TAPT1: variants seen among roughly 807,000 people sequenced by gnomAD.
The protein encoded by TAPT1 is transmembrane anterior posterior transformation protein 1 homolog.
A neutral mutation model predicts 65.6 loss-of-function variants in TAPT1; 28 were observed. The ratio of observed to expected loss-of-function variants is 0.43; its 90% CI spans 0.32 to 0.59. The LOEUF is 0.59. Among genes scored for constraint, TAPT1 ranks in the 20% least tolerant of loss-of-function variants. TAPT1 has a pLI of 0.09. For missense variants in TAPT1, 563 were observed against 679.9 expected (o/e 0.83, Z 1.91); for synonymous variants, 278 against 245.2 (o/e 1.13, Z -1.25).
chr4:16,206,765 A>G (rs1487383554), intron 2 of TAPT1, among the ~76,000 whole-genome samples: 2 of 150,624 alleles, frequency 1.3e-5, no homozygotes, highest in Non-Finnish European at 3.0e-5. Flanking sequence ...AGCTGAAATG[A>G]GAGAAATAAG....
intron 2 of TAPT1, among the ~76,000 whole-genome samples, chr4:16,212,413 A>G (rs991482522): frequency 1.3e-5 from 2 of 152,264 alleles, no homozygotes; most frequent in African/African-American, 4.8e-5. Context: ...AGAAAGCTGC[A>G]AAGCAAGCTA....
At chr4:16,188,408 T>A in intron 4 of TAPT1, 53 bp from the exon 5 acceptor site, 1 of 1,364,642 alleles carries the variant, frequency 7.3e-7, no homozygotes, top group South Asian at 1.6e-5. Context: ...TTTAAATATA[T>A]AACTAAAATT....
At chr4:16,182,149 CA>C (rs982340122) in intron 7 of TAPT1, among the ~76,000 whole-genome samples, 1 of 151,988 alleles carries the variant, frequency 6.6e-6, no homozygotes, top group Non-Finnish European at 1.5e-5. Context: ...TTTACATAGA[CA>C]TTATAAAATC....
chr4:16,201,875 C>G (rs1750053107), intron 3 of TAPT1, among the ~76,000 whole-genome samples: 1 of 152,136 alleles, frequency 6.6e-6, no homozygotes, highest in Admixed American at 6.5e-5. Context: ...AGCTCACAAG[C>G]TAATCAATGT....
chr4:16,199,456 A>C (rs1749906709), intron 3 of TAPT1, among the ~76,000 whole-genome samples: 1 of 152,232 alleles, frequency 6.6e-6, no homozygotes, highest in Non-Finnish European at 1.5e-5. Flanking sequence ...CATCTTATGC[A>C]CTACAAAAAA....
At chr4:16,201,768 T>A (rs1375978586) in intron 3 of TAPT1, among the ~76,000 whole-genome samples, 1 of 152,254 alleles carries the variant, frequency 6.6e-6, no homozygotes, top group East Asian at 1.9e-4. Flanking sequence ...GTATTTTTTT[T>A]ACATCTTCCA....
At position 16,188,256 on chromosome 4, in the gene TAPT1, C is replaced by T. The variant is rs895433054; in HGVS notation, c.712G>A (p.Val238Met). 7 of 1,612,406 alleles carry T rather than the reference C, an allele frequency of 4.3e-6. No individual in the cohort carries two copies. The highest frequency in any genetic ancestry group is 1.3e-5 in the African/African-American group (1 of 74,814). Residue 238 changes from valine (V) to methionine (M), a missense_variant, in exon 5 of 14, where the codon GTG becomes ATG. By Grantham distance (21) the Val-to-Met change is conservative. This residue lies in a region of TAPT1 where 217 missense variants were observed against 317.5 expected (regional missense o/e 0.68). Coordinates refer to ENST00000405303, the MANE Select transcript of TAPT1 (RefSeq NM_153365.3). ...ACAGCCATGAAAAAGTGAGGAATCA[C>T]CCCAATGTGGGCTCTTTTTCTTTCT... ...PKERKRAHIG[V>M]IPHFFMAVLY...
chr4:16,171,888 T>G (rs1352545640), intron 11 of TAPT1, among the ~76,000 whole-genome samples: 5 of 152,230 alleles, frequency 3.3e-5, no homozygotes, highest in Non-Finnish European at 7.3e-5. Context: ...TACACATTTT[T>G]TCTTCCTTTT....
At chr4:16,169,156 T>C (rs777973265) in intron 12 of TAPT1, among the ~76,000 whole-genome samples, 1 of 152,112 alleles carries the variant, frequency 6.6e-6, no homozygotes, top group Non-Finnish European at 1.5e-5. Context: ...GAAAGGTGAG[T>C]AAGCAGATCT....
intron 7 of TAPT1, among the ~76,000 whole-genome samples, chr4:16,184,257 G>A (rs887192703): frequency 6.6e-6 from 1 of 152,116 alleles, no homozygotes; most frequent in Admixed American, 6.5e-5. Flanking sequence ...TCATATAAAT[G>A]AAATAATACA....
chr4:16,210,374 T>A (rs1386496147), intron 2 of TAPT1, among the ~76,000 whole-genome samples: 1 of 152,150 alleles, frequency 6.6e-6, no homozygotes, highest in Non-Finnish European at 1.5e-5. Context: ...CCCAATCACC[T>A]CCTGCTGTGC....
At position 16,176,238 on chromosome 4, in the gene TAPT1, GA is replaced by G; in HGVS notation, c.998-11del. 1 of 1,404,176 alleles carries G rather than the reference GA, an allele frequency of 7.1e-7. No individual in the cohort carries two copies. The allele number at this position is 1,404,176 out of a possible 1,614,324, so 87.0% of individuals were successfully genotyped here. On this transcript the variant is annotated splice_polypyrimidine_tract_variant and intron_variant, in intron 8 of 13. Coordinates refer to ENST00000405303, the MANE Select transcript of TAPT1 (RefSeq NM_153365.3). Reference sequence around the variant, plus strand: ...AACACCCAGAGATGATCTGTAAATAGAAAAAAGAAAAACAACGAAATATCTT... The same window carrying G: ...AACACCCAGAGATGATCTGTAAATAGAAAAAGAAAAACAACGAAATATCTT...
At chr4:16,208,474 C>T (rs921702774) in intron 2 of TAPT1, among the ~76,000 whole-genome samples, 1 of 152,186 alleles carries the variant, frequency 6.6e-6, no homozygotes, top group Non-Finnish European at 1.5e-5. Flanking sequence ...GGAAATCTTT[C>T]AATCTTTATA....
intron 3 of TAPT1, chr4:16,196,733 G>C: frequency 7.8e-7 from 1 of 1,274,050 alleles, no homozygotes; most frequent in Non-Finnish European, 1.0e-6. Context: ...TCTGATTTAC[G>C]AGAGAGAAAG....
At chr4:16,182,451 T>C (rs1748766812) in intron 7 of TAPT1, among the ~76,000 whole-genome samples, 1 of 152,238 alleles carries the variant, frequency 6.6e-6, no homozygotes, top group Non-Finnish European at 1.5e-5. Context: ...TTAATGCTTT[T>C]AAAATATTTC....
intron 5 of TAPT1, among the ~76,000 whole-genome samples, chr4:16,188,005 T>G (rs1749123861): frequency 6.6e-6 from 1 of 152,210 alleles, no homozygotes; most frequent in African/African-American, 2.4e-5. Flanking sequence ...ACAGAACTGT[T>G]TTCCAGCAGC....
At chr4:16,174,455 T>A in intron 10 of TAPT1, 183 bp from the exon 11 acceptor site, 9 of 682,788 alleles carry the variant, frequency 1.3e-5, no homozygotes, top group Admixed American at 3.2e-5. Flanking sequence ...CAAAGTTGAA[T>A]AACTTAAAAT....
chr4:16,166,986 G>GTT, intron 12 of TAPT1, 193 bp from the exon 13 acceptor site: 2 of 340,346 alleles, frequency 5.9e-6, no homozygotes, highest in South Asian at 5.3e-5. Context: ...GAATTCCTTA[G>GTT]TTCTCTTTTT....
chr4:16,174,649 A>C, intron 10 of TAPT1, 21 bp downstream of exon 10: 3 of 1,572,972 alleles, frequency 1.9e-6, no homozygotes, highest in Non-Finnish European at 2.6e-6. Context: ...ATTTCAGACT[A>C]CGCCCTTGAT....
Sources: gnomAD v4.1 joint callset for allele counts (sites outside exome capture counted in the v4.1 genomes callset) on GRCh38, gnomAD v4.1.1 for gene constraint, gnomAD v4.1.1 regional missense constraint, MANE v1.5 for transcripts, NCBI Gene and HGNC (gene_info 2026-07-23, HGNC 2026-07-21) for gene names.